CFAP43: variants seen among roughly 807,000 people sequenced by gnomAD.
CFAP43 encodes cilia- and flagella-associated protein 43.
CFAP43 carries 155 observed loss-of-function variants against 218.9 expected under a neutral mutation model. That is an observed-to-expected ratio of 0.71 (90% CI 0.62 to 0.81). The LOEUF (loss-of-function observed/expected upper bound fraction) is 0.81. Among genes scored for constraint, CFAP43 ranks in the 30% least tolerant of loss-of-function variants. The pLI, the probability that CFAP43 is intolerant of heterozygous loss-of-function variation, is 0.00. For missense variants in CFAP43, 1,778 were observed against 1,954.3 expected, an observed-to-expected ratio of 0.91 and a Z score of 1.70; for synonymous variants, 645 against 681.3, an observed-to-expected ratio of 0.95 and a Z score of 0.83.
intron 10 of CFAP43, among the ~76,000 whole-genome samples, chr10:104,196,490 G>A (rs1441492969): frequency 6.6e-6 from 1 of 152,148 alleles, no homozygotes; most frequent in Non-Finnish European, 1.5e-5. Context: ...ACACAGCACA[G>A]AGGAAGTATT....
chr10:104,225,144 G>A (rs940738266), intron 3 of CFAP43, among the ~76,000 whole-genome samples: 3 of 151,948 alleles, frequency 2.0e-5, no homozygotes, highest in African/African-American at 7.3e-5. Context: ...GGAAACATAC[G>A]AACAACTCCA....
intron 22 of CFAP43, among the ~76,000 whole-genome samples, chr10:104,167,168 T>C (rs1031169881): frequency 6.6e-6 from 1 of 152,218 alleles, no homozygotes; most frequent in Non-Finnish European, 1.5e-5. Flanking sequence ...AAAACTACAC[T>C]GAAGGGCAGT....
At position 104,166,490 on chromosome 10, in the gene CFAP43, T is replaced by C. The variant is rs2089160020; in HGVS notation, c.3037A>G (p.Lys1013Glu). 4 of 1,610,562 alleles carry C rather than the reference T, an allele frequency of 2.5e-6. No homozygotes were observed. Among genetic ancestry groups the C allele is most frequent in the Non-Finnish European group, 3.4e-6 (4 of 1,178,398 alleles). Residue 1013 changes from lysine to glutamate, a missense_variant and splice_region_variant, in exon 23 of 38, where the codon AAA becomes GAA. Coordinates refer to ENST00000357060, the MANE Select transcript of CFAP43 (RefSeq NM_025145.7). Reference sequence around the variant, plus strand: ...GGATAAAAAGAAAATTGACCCACTTTCAATAATATAATTTGGTTGATTTTC... The same window carrying C: ...GGATAAAAAGAAAATTGACCCACTTCCAATAATATAATTTGGTTGATTTTC... ...EEKINQIILLKDIIYKVKTVF... is the reference protein window; with the variant it reads ...EEKINQIILLEDIIYKVKTVF...
At chr10:104,194,644 A>G (rs1453394648) in intron 10 of CFAP43, among the ~76,000 whole-genome samples, 1 of 152,240 alleles carries the variant, frequency 6.6e-6, no homozygotes, top group African/African-American at 2.4e-5. Flanking sequence ...TGCGTAACAG[A>G]TTCCCATTTA....
intron 35 of CFAP43, 150 bp from the exon 36 acceptor site, chr10:104,132,346 A>G (rs10786784): frequency 0.19 from 116,019 of 613,352 alleles, 16,101 homozygotes; most frequent in African/African-American, 0.57. Context: ...GCGTGGTGGC[A>G]TACGCTTGTA....
intron 23 of CFAP43, 131 bp downstream of exon 23, chr10:104,166,357 C>T (rs1274509827): frequency 1.2e-5 from 8 of 679,600 alleles, no homozygotes; most frequent in African/African-American, 5.4e-5. Context: ...CAGGTGTGAG[C>T]CACTGTGCCC....
At chr10:104,187,557 T>C in intron 13 of CFAP43, 65 bp from the exon 14 acceptor site, 1 of 1,312,102 alleles carries the variant, frequency 7.6e-7, no homozygotes. Flanking sequence ...TTTTTAAAAT[T>C]ATGAACAATT....
chr10:104,158,272 C>T (rs1042173932), intron 27 of CFAP43, among the ~76,000 whole-genome samples: 2 of 152,172 alleles, frequency 1.3e-5, no homozygotes, highest in African/African-American at 2.4e-5. Context: ...GTCACCCCCA[C>T]AGGTTAGTTA....
intron 11 of CFAP43, chr10:104,193,162 C>A (rs1398893214): frequency 6.6e-6 from 1 of 152,134 alleles, no homozygotes; most frequent in Non-Finnish European, 1.5e-5. Context: ...ATATTATCAT[C>A]TTAAAAGTAT....
At chr10:104,172,603 GTTTC>G in intron 19 of CFAP43, 68 bp from the exon 20 acceptor site, 1 of 1,345,624 alleles carries the variant, frequency 7.4e-7, no homozygotes, top group Non-Finnish European at 9.8e-7. Flanking sequence ...AATTTTCTTA[GTTTC>G]TTTTAGGCAG....
intron 37 of CFAP43, among the ~76,000 whole-genome samples, chr10:104,131,089 G>A (rs1318051074): frequency 6.6e-6 from 1 of 151,610 alleles, no homozygotes; most frequent in African/African-American, 2.4e-5. Context: ...AAATTATGGG[G>A]TACTATGCTC....
chr10:104,221,435 G>A (rs1242186374), intron 3 of CFAP43, among the ~76,000 whole-genome samples: 1 of 152,160 alleles, frequency 6.6e-6, no homozygotes, highest in Non-Finnish European at 1.5e-5. Context: ...AGCCCCCATG[G>A]TTGAGATAAG....
intron 3 of CFAP43, among the ~76,000 whole-genome samples, chr10:104,222,027 G>T (rs1235008648): frequency 1.3e-5 from 2 of 152,116 alleles, no homozygotes; most frequent in Admixed American, 6.5e-5. Flanking sequence ...TTTCAGAATT[G>T]TTATTTTTAA....
At chr10:104,202,016 T>C (rs961585884) in intron 8 of CFAP43, among the ~76,000 whole-genome samples, 6 of 152,238 alleles carry the variant, frequency 3.9e-5, no homozygotes, top group Non-Finnish European at 7.3e-5. Context: ...ACAGTAAATA[T>C]GTTAGGCTTT....
intron 3 of CFAP43, 131 bp downstream of exon 3, chr10:104,225,330 G>C (rs1349724517): frequency 1.4e-5 from 11 of 767,604 alleles, no homozygotes; most frequent in Non-Finnish European, 2.0e-5. Flanking sequence ...ATTAAAACTT[G>C]TGATTGGCAT....
intron 20 of CFAP43, among the ~76,000 whole-genome samples, chr10:104,170,720 T>C (rs2089372842): frequency 6.6e-6 from 1 of 152,126 alleles, no homozygotes; most frequent in Non-Finnish European, 1.5e-5. Flanking sequence ...TCAAAATAAA[T>C]AACATTTAAA....
At chr10:104,179,783 T>A in intron 18 of CFAP43, 57 bp downstream of exon 18, 1 of 1,291,688 alleles carries the variant, frequency 7.7e-7, no homozygotes, top group Non-Finnish European at 1.1e-6. Context: ...AGGAAACTAA[T>A]CTATTTGGTG....
At position 104,205,489 on chromosome 10, in the gene CFAP43, T is replaced by C. The variant is rs193189626; in HGVS notation, c.963+474A>G. On this transcript the variant is annotated intron_variant, in intron 7 of 37. Coordinates refer to ENST00000357060, the MANE Select transcript of CFAP43 (RefSeq NM_025145.7). ...CAAGTAAAGTACTTAGCTTGGTGCC[T>C]GGCACAAAGCAAGCACCAAGTAAAT... is the stretch of plus-strand genomic sequence containing the variant. Among the ~76,000 whole-genome samples, 82 of 152,264 alleles carry C rather than the reference T, an allele frequency of 5.4e-4. 1 individual carries two copies. The East Asian group carries it at 0.015, about 28-fold the overall frequency.
At chr10:104,217,276 T>C (rs2091037644) in intron 3 of CFAP43, among the ~76,000 whole-genome samples, 1 of 152,254 alleles carries the variant, frequency 6.6e-6, no homozygotes, top group Non-Finnish European at 1.5e-5. Flanking sequence ...TGAATGTTAG[T>C]GGCAGTCATG....
Sources: gnomAD v4.1 joint callset for allele counts (sites outside exome capture counted in the v4.1 genomes callset) on GRCh38, gnomAD v4.1.1 for gene constraint, MANE v1.5 for transcripts, NCBI Gene and HGNC (gene_info 2026-07-23, HGNC 2026-07-21) for gene names.